The following INPP5B variants were observed in gnomAD, a reference collection of about 807,000 sequenced individuals.
INPP5B encodes the protein type II inositol 1,4,5-trisphosphate 5-phosphatase.
A neutral mutation model predicts 118.5 loss-of-function variants in INPP5B; 90 were observed. That is an observed-to-expected ratio of 0.76 (90% CI 0.64 to 0.90). The LOEUF (loss-of-function observed/expected upper bound fraction) is 0.90. INPP5B is among the 40% of genes least tolerant of loss of function. INPP5B has a pLI of 0.00. For synonymous variants in INPP5B, 385 were observed against 418.9 expected, an observed-to-expected ratio of 0.92 and a Z score of 0.99; for missense variants, 984 against 1,125.6, an observed-to-expected ratio of 0.87 and a Z score of 1.80.
rs1403600565 is a variant in INPP5B, at chr1:37,884,092, A to G, written c.1320-1174T>C. The G allele has an allele frequency of 2.0e-5, 3 of 152,716 alleles. No homozygotes were observed. The Admixed American group carries it at 2.0e-4, about 10-fold the overall frequency. The allele number at this position is 152,716 out of a possible 1,614,324, so 9.5% of individuals were successfully genotyped here. On this transcript the variant is annotated intron_variant, in intron 13 of 23. Coordinates refer to ENST00000373024, the MANE Select transcript of INPP5B (RefSeq NM_005540.3). ...AATGTAGTCCAACTCTCAATTATACATGCTCTGGAAAGAACAGACAAATAA... is the reference window on the plus strand; with the variant it reads ...AATGTAGTCCAACTCTCAATTATACGTGCTCTGGAAAGAACAGACAAATAA...
chr1:37,902,164 T>TA (rs986719742), intron 7 of INPP5B, among the ~76,000 whole-genome samples: 5 of 152,146 alleles, frequency 3.3e-5, no homozygotes, highest in Admixed American at 6.5e-5. Flanking sequence ...TTTTTGTATT[T>TA]TTAGTAGAAA....
intron 8 of INPP5B, 139 bp downstream of exon 8, chr1:37,891,219 C>T (rs1643825117): frequency 1.8e-6 from 1 of 544,162 alleles, no homozygotes; most frequent in Non-Finnish European, 3.3e-6. Context: ...AAGAGCGAAA[C>T]TCTGTCTCAA....
At chr1:37,936,273 TC>T (rs1316836294) in intron 6 of INPP5B, among the ~76,000 whole-genome samples, 1 of 151,980 alleles carries the variant, frequency 6.6e-6, no homozygotes. Flanking sequence ...GCCCTTTTCC[TC>T]CTTGTTGCCT....
In INPP5B at chr1:37,891,448, G is replaced by A. The variant is rs1006207213; in HGVS notation, c.539C>T (p.Ser180Phe). The change falls in exon 8 of 24, where the codon TCT becomes TTT. Residue 180 changes from serine to phenylalanine, a missense_variant. By Grantham distance (155) the Ser-to-Phe change is radical (BLOSUM62 -2). Transcript: ENST00000373024. ...ATTTGGTCTCAAACCATCAAAGTTA[G>A]AACCACCTAAAGGGAAGGAGAAGAA... Reference protein sequence around the residue: ...PGYATIGGGGSNFDGLRPNGK... With the variant: ...PGYATIGGGGFNFDGLRPNGK... 1.9e-6 allele frequency: 3 copies of A among 1,610,382 alleles called. No homozygotes were observed. The highest frequency in any genetic ancestry group is 1.7e-5 in the Admixed American group (1 of 59,978).
intron 16 of INPP5B, among the ~76,000 whole-genome samples, chr1:37,876,774 G>A (rs1226646959): frequency 6.6e-6 from 1 of 151,456 alleles, no homozygotes; most frequent in Admixed American, 6.6e-5. Flanking sequence ...CAGCTACTCG[G>A]GAGGCTGAGG....
chr1:37,941,974 T>TATATATAA lies in INPP5B; in HGVS notation c.281-1177_281-1176insTTATATAT, dbSNP rs1390505203. 2 of 80,914 alleles carry TATATATAA rather than the reference T, an allele frequency of 2.5e-5. 1 individual carries two copies. Among genetic ancestry groups the TATATATAA allele is most frequent in the African/African-American group, 9.3e-5 (2 of 21,530 alleles). 5.0% of individuals were successfully genotyped at this position (80,914 alleles called of 1,614,324 possible). On this transcript the variant is annotated intron_variant, in intron 5 of 23. Coordinates refer to ENST00000373024, the MANE Select transcript of INPP5B (RefSeq NM_005540.3). ...AAAAAAAAAAATATATATATATATA[T>TATATATAA]AAAATAAAATAAAATAAAATAGTGT...
intron 14 of INPP5B, among the ~76,000 whole-genome samples, chr1:37,881,511 T>C (rs986542798): frequency 6.6e-6 from 1 of 152,220 alleles, no homozygotes; most frequent in African/African-American, 2.4e-5. Context: ...ATTTAGTAGA[T>C]ACTACTTGCC....
chr1:37,892,174 A>C (rs1643869635), intron 7 of INPP5B, among the ~76,000 whole-genome samples: 1 of 152,352 alleles, frequency 6.6e-6, no homozygotes, highest in African/African-American at 2.4e-5. Context: ...TCACAGGTTT[A>C]ATGTAGGGTC....
At chr1:37,921,072 C>T (rs560952081) in intron 7 of INPP5B, among the ~76,000 whole-genome samples, 1 of 152,278 alleles carries the variant, frequency 6.6e-6, no homozygotes, top group Admixed American at 6.5e-5. Flanking sequence ...CGTCACTGCA[C>T]TCCAGACTGG....
chr1:37,946,481 T>C, intron 1 of INPP5B, 147 bp from the exon 2 acceptor site: 1 of 625,918 alleles, frequency 1.6e-6, no homozygotes, highest in Non-Finnish European at 2.8e-6. Flanking sequence ...CCTCCTCCTC[T>C]TTGTCCTCCC....
chr1:37,887,208 A>G, intron 11 of INPP5B, 143 bp downstream of exon 11: 1 of 727,904 alleles, frequency 1.4e-6, no homozygotes, highest in Admixed American at 2.6e-5. Flanking sequence ...ACCCGGAGGC[A>G]CCCCTTCTGG....
At position 37,863,447 on chromosome 1, in the gene INPP5B, G is replaced by A. The variant is rs1479421497; in HGVS notation, c.2626+865C>T. Among the ~76,000 whole-genome samples, 15 of 151,976 alleles carry A rather than the reference G, an allele frequency of 9.9e-5. No homozygotes were observed. In the East Asian group the frequency reaches 1.9e-3, roughly 20 times the overall value. On this transcript the variant is annotated intron_variant, in intron 23 of 23. Coordinates refer to ENST00000373024, the MANE Select transcript of INPP5B (RefSeq NM_005540.3). ...GGAGAATTGCTTGAACCCGGGTGGC[G>A]GAGGATGCAGTGAGCTGAGATCACG...
At chr1:37,895,734 C>G (rs536562020) in intron 7 of INPP5B, among the ~76,000 whole-genome samples, 86 of 152,298 alleles carry the variant, frequency 5.6e-4, no homozygotes, top group African/African-American at 1.9e-3. Flanking sequence ...GGGCTGGTCT[C>G]CAGCTCCTAA....
chr1:37,943,982 G>T (rs1023427241), intron 3 of INPP5B, 89 bp from the exon 4 acceptor site: 2 of 906,576 alleles, frequency 2.2e-6, no homozygotes, highest in Non-Finnish European at 1.8e-6. Context: ...ACACTCGCTC[G>T]TTGGTCCCTA....
intron 17 of INPP5B, among the ~76,000 whole-genome samples, chr1:37,875,024 A>G (rs2148472528): frequency 6.6e-6 from 1 of 152,328 alleles, no homozygotes; most frequent in South Asian, 2.1e-4. Context: ...AGAAAAATCC[A>G]TTGCAAGAAT....
At chr1:37,885,846 G>A in intron 12 of INPP5B, 21 bp from the exon 13 acceptor site, 1 of 1,609,310 alleles carries the variant, frequency 6.2e-7, no homozygotes. Flanking sequence ...GATCCCCAAA[G>A]AAATCCAATT....
chr1:37,890,382 C>T (rs1374165898), intron 8 of INPP5B, among the ~76,000 whole-genome samples: 1 of 151,884 alleles, frequency 6.6e-6, no homozygotes, highest in Non-Finnish European at 1.5e-5. Flanking sequence ...GTAAAACCCT[C>T]TAGGTCCTTT....
rs372360142 is a variant in INPP5B, at chr1:37,909,912, C to G, written c.533-18458G>C. ...AGGCATTCCTCCAGGACCGCCTCCC[C>G]AGGATCTTGCTTCTAGTGCTGGAAA... On this transcript the variant is annotated intron_variant, in intron 7 of 23. Transcript: ENST00000373024. Among the ~76,000 whole-genome samples the G allele has an allele frequency of 6.6e-5, 10 of 152,306 alleles. 1 individual carries two copies. The highest frequency in any genetic ancestry group is 5.9e-4 in the Admixed American group (9 of 15,300).
chr1:37,941,881 T>C (rs1228397777), intron 5 of INPP5B, among the ~76,000 whole-genome samples: 1 of 111,022 alleles, frequency 9.0e-6, no homozygotes, highest in African/African-American at 3.3e-5. Context: ...GAGCTTGCAG[T>C]GAGCCGAGAT....
Sources: allele counts gnomAD v4.1 joint callset (sites outside exome capture counted in the v4.1 genomes callset), GRCh38; gene constraint gnomAD v4.1.1; transcripts MANE v1.5; gene names NCBI Gene and HGNC (gene_info 2026-07-23, HGNC 2026-07-21).